BBS12: variants seen among roughly 807,000 people sequenced by gnomAD.
The protein encoded by BBS12 is Bardet-Biedl syndrome 12.
A neutral mutation model predicts 5.6 loss-of-function variants in BBS12; 5 were observed. The ratio of observed to expected loss-of-function variants is 0.89; its 90% CI spans 0.46 to 1.86. BBS12 has a LOEUF of 1.86. Among genes scored for constraint, BBS12 ranks in the 40% most tolerant of loss-of-function variants. The pLI is 0.01. For missense variants in BBS12, 748 were observed against 830.4 expected (o/e 0.90, Z 1.22); for synonymous variants, 308 against 306.8 (o/e 1.00, Z -0.04).
intron 1 of BBS12, among the ~76,000 whole-genome samples, chr4:122,733,427 C>CACACACACA (rs1800736004): frequency 1.9e-5 from 2 of 106,520 alleles, no homozygotes; most frequent in Non-Finnish European, 2.0e-5. Flanking sequence ...ACACACACAT[C>CACACACACA]CAGCCATTTC....
chr4:122,742,509 T>G lies in BBS12; in HGVS notation c.617T>G (p.Val206Gly), dbSNP rs1560706974. The G allele has an allele frequency of 2.1e-5, 34 of 1,614,118 alleles. No individual in the cohort carries two copies. Among genetic ancestry groups the G allele is most frequent in the Non-Finnish European group, 2.9e-5 (34 of 1,179,986 alleles). ...GAATTATTTAAACCTCAGACAAAGGTTGAAGCAGATAACAACACATCACGA... is the reference window on the plus strand; with the variant it reads ...GAATTATTTAAACCTCAGACAAAGGGTGAAGCAGATAACAACACATCACGA... ...SYELFKPQTKVEADNNTSRTL... is the reference protein window; with the variant it reads ...SYELFKPQTKGEADNNTSRTL... Residue 206 changes from valine (V) to glycine (G), a missense_variant, in exon 2 of 2, where the codon GTT becomes GGT. Physicochemically the swap from Val to Gly is moderately radical, Grantham distance 109. Coordinates refer to ENST00000314218, the MANE Select transcript of BBS12 (RefSeq NM_152618.3).
chr4:122,726,218 A>G, the BBS12 span, among the ~76,000 whole-genome samples: 2 of 152,192 alleles, frequency 1.3e-5, no homozygotes, highest in African/African-American at 4.8e-5. Flanking sequence ...GAATTCAAAC[A>G]AATTAGCAAG....
the BBS12 span, among the ~76,000 whole-genome samples, chr4:122,721,462 A>G: frequency 1.3e-5 from 2 of 152,222 alleles, no homozygotes; most frequent in African/African-American, 4.8e-5. Flanking sequence ...GTAATATTCT[A>G]TTGTTTAAAT....
chr4:122,702,702 C>T, the BBS12 span, among the ~76,000 whole-genome samples: 5,428 of 152,286 alleles, frequency 0.036, 343 homozygotes, highest in African/African-American at 0.12. Context: ...GATGTTAGCA[C>T]CTCCTCATCA....
the BBS12 span, among the ~76,000 whole-genome samples, chr4:122,721,276 CAA>C: frequency 6.6e-6 from 1 of 151,840 alleles, no homozygotes; most frequent in Non-Finnish European, 1.5e-5. Flanking sequence ...TTATAAAAGA[CAA>C]AAAATAATAA....
At chr4:122,713,079 T>C in the BBS12 span, among the ~76,000 whole-genome samples, 1 of 152,176 alleles carries the variant, frequency 6.6e-6, no homozygotes, top group African/African-American at 2.4e-5. Context: ...TTACCAATCA[T>C]AGTGATATGT....
chr4:122,733,062 C>A (rs1286825869), intron 1 of BBS12, among the ~76,000 whole-genome samples, 178 bp downstream of exon 1: 1 of 152,140 alleles, frequency 6.6e-6, no homozygotes. Context: ...GAAGAGGGGA[C>A]TGCCCTTTCT....
rs781477043 is a variant in BBS12, at chr4:122,743,078, T to C, written c.1186T>C (p.Trp396Arg). 2 of 1,614,248 alleles carry C rather than the reference T, an allele frequency of 1.2e-6. No homozygotes were observed. The highest frequency in any genetic ancestry group is 2.2e-5 in the East Asian group (1 of 44,890). ...TCAAGAAGACAGCTCAGAAGAACTG[T>C]GGGCAAATCACGTGTTACAGGTGTT... is the stretch of plus-strand genomic sequence containing the variant. ...RLQEDSSEELWANHVLQVLIQ... is the reference protein window; with the variant it reads ...RLQEDSSEELRANHVLQVLIQ... Residue 396 changes from tryptophan (W) to arginine (R), a missense_variant, in exon 2 of 2, where the codon TGG becomes CGG. Transcript: ENST00000314218.
At chr4:122,709,764 C>G in the BBS12 span, among the ~76,000 whole-genome samples, 2 of 152,136 alleles carry the variant, frequency 1.3e-5, no homozygotes, top group African/African-American at 4.8e-5. Context: ...AAGCTATTCT[C>G]CTGCCTCAGC....
the BBS12 span, among the ~76,000 whole-genome samples, chr4:122,707,055 T>TCTC: frequency 4.4e-3 from 197 of 44,960 alleles, no homozygotes; most frequent in African/African-American, 0.013. Flanking sequence ...TCTCTCTCTC[T>TCTC]TTTTTTTTTT....
At chr4:122,703,368 C>T in the BBS12 span, among the ~76,000 whole-genome samples, 1 of 152,170 alleles carries the variant, frequency 6.6e-6, no homozygotes, top group Non-Finnish European at 1.5e-5. Flanking sequence ...ATCGCCAGCA[C>T]TTCATGGCCC....
chr4:122,717,009 A>G, the BBS12 span, among the ~76,000 whole-genome samples: 1 of 152,296 alleles, frequency 6.6e-6, no homozygotes, highest in Non-Finnish European at 1.5e-5. Flanking sequence ...CACCGAACAG[A>G]CAAGACCTCA....
At chr4:122,710,499 A>C in the BBS12 span, among the ~76,000 whole-genome samples, 1 of 152,196 alleles carries the variant, frequency 6.6e-6, no homozygotes, top group Non-Finnish European at 1.5e-5. Context: ...GGAATTATTC[A>C]TATCCAGTTG....
chr4:122,704,416 A>C, the BBS12 span, among the ~76,000 whole-genome samples: 3 of 152,212 alleles, frequency 2.0e-5, no homozygotes, highest in Admixed American at 1.3e-4. Flanking sequence ...TTACAGGATC[A>C]CTGTGACCTG....
chr4:122,712,127 C>A, the BBS12 span, among the ~76,000 whole-genome samples: 1 of 152,226 alleles, frequency 6.6e-6, no homozygotes, highest in Non-Finnish European at 1.5e-5. Flanking sequence ...CCTCAGCTTT[C>A]CTGGTTCTGT....
chr4:122,726,645 C>T, the BBS12 span, among the ~76,000 whole-genome samples: 1 of 142,530 alleles, frequency 7.0e-6, no homozygotes, highest in South Asian at 2.3e-4. Context: ...GATACTTGCA[C>T]ATCCATGTTT....
At chr4:122,701,556 G>T in the BBS12 span, among the ~76,000 whole-genome samples, 1 of 152,346 alleles carries the variant, frequency 6.6e-6, no homozygotes, top group Admixed American at 6.5e-5. Flanking sequence ...GGATGAGGTG[G>T]TGAGAGAAGA....
At chr4:122,724,896 A>C in the BBS12 span, among the ~76,000 whole-genome samples, 13 of 152,366 alleles carry the variant, frequency 8.5e-5, no homozygotes, top group African/African-American at 2.6e-4. Context: ...CCCTTACTCC[A>C]GTATGGGCTT....
intron 1 of BBS12, among the ~76,000 whole-genome samples, chr4:122,739,420 A>G (rs1305286559): frequency 1.3e-5 from 2 of 152,222 alleles, no homozygotes; most frequent in African/African-American, 4.8e-5. Flanking sequence ...CCACAGCACT[A>G]TAGGAAATGT....
Sources: gnomAD v4.1 joint callset for allele counts (sites outside exome capture counted in the v4.1 genomes callset) on GRCh38, gnomAD v4.1.1 for gene constraint, MANE v1.5 for transcripts, NCBI Gene and HGNC (gene_info 2026-07-23, HGNC 2026-07-21) for gene names.